The following LMNTD1 variants were observed in gnomAD, a reference collection of about 807,000 sequenced individuals.
LMNTD1 encodes the protein lamin tail domain containing 1.
A neutral mutation model predicts 50.9 loss-of-function variants in LMNTD1; 35 were observed. That is an observed-to-expected ratio of 0.69 (90% CI 0.53 to 0.91). LMNTD1 has a LOEUF of 0.91. Ranked by LOEUF, LMNTD1 falls within the 40% of genes least tolerant of loss-of-function variation. The pLI is 0.00. For missense variants in LMNTD1, 470 were observed against 475.5 expected, an observed-to-expected ratio of 0.99 and a Z score of 0.11; for synonymous variants, 153 against 161.9, an observed-to-expected ratio of 0.94 and a Z score of 0.42.
chr12:25,641,364 A>T (rs1002821098), intron 1 of LMNTD1, among the ~76,000 whole-genome samples: 2 of 152,182 alleles, frequency 1.3e-5, no homozygotes, highest in East Asian at 3.9e-4. Flanking sequence ...TTATTGGCTG[A>T]TACAGTAAGC....
rs537331399 is a variant in LMNTD1, at chr12:25,622,981, C to G, written c.58+25513G>C. On this transcript the variant is annotated intron_variant, in intron 1 of 7. Transcript: ENST00000445693. ...GATAAATCAGAAATAAGCTGGCGGA[C>G]GACGGGGAAGGAGAAAAGCTCTAAT... Among the ~76,000 whole-genome samples the G allele has an allele frequency of 2.7e-5, 4 of 148,056 alleles. No homozygotes were observed. The South Asian group carries it at 8.5e-4, about 32-fold the overall frequency.
intron 1 of LMNTD1, among the ~76,000 whole-genome samples, chr12:25,605,849 A>G (rs1946088278): frequency 6.6e-6 from 1 of 152,168 alleles, no homozygotes; most frequent in African/African-American, 2.4e-5. Flanking sequence ...ACTTTAAAGT[A>G]GTTTTTTCCA....
chr12:25,604,378 A>T (rs1349975428), intron 1 of LMNTD1, among the ~76,000 whole-genome samples: 2 of 152,044 alleles, frequency 1.3e-5, no homozygotes, highest in Non-Finnish European at 2.9e-5. Context: ...TTTAAGTTTT[A>T]GGGCACATGT....
At chr12:25,571,927 C>T (rs960212627) in intron 1 of LMNTD1, among the ~76,000 whole-genome samples, 1 of 152,174 alleles carries the variant, frequency 6.6e-6, no homozygotes, top group African/African-American at 2.4e-5. Flanking sequence ...CTGCCTCAGT[C>T]TCTCAAAGTG....
At chr12:25,596,117 A>G (rs1945840039) in intron 1 of LMNTD1, among the ~76,000 whole-genome samples, 1 of 152,128 alleles carries the variant, frequency 6.6e-6, no homozygotes, top group Non-Finnish European at 1.5e-5. Context: ...CCACAAAAAA[A>G]GATCCTGGAC....
chr12:25,641,291 C>T (rs1308535305), intron 1 of LMNTD1, among the ~76,000 whole-genome samples: 6 of 152,014 alleles, frequency 3.9e-5, no homozygotes, highest in Non-Finnish European at 2.9e-5. Flanking sequence ...GATTTCCTTT[C>T]CTTTATAAGG....
intron 1 of LMNTD1, among the ~76,000 whole-genome samples, chr12:25,641,851 T>C (rs932463459): frequency 6.6e-6 from 1 of 152,128 alleles, no homozygotes; most frequent in Admixed American, 6.5e-5. Context: ...ATCCTAATTT[T>C]TTTTCACTCT....
At chr12:25,635,931 A>G (rs1162882599) in intron 1 of LMNTD1, among the ~76,000 whole-genome samples, 3 of 152,244 alleles carry the variant, frequency 2.0e-5, no homozygotes, top group Non-Finnish European at 4.4e-5. Context: ...GGCTAGCCAC[A>G]TGTAGGAGAA....
At chr12:25,594,651 CAAAAAA>C (rs61299586) in intron 1 of LMNTD1, among the ~76,000 whole-genome samples, 33 of 69,892 alleles carry the variant, frequency 4.7e-4, no homozygotes, top group Admixed American at 1.2e-3. Context: ...AACAGAAATA[CAAAAAA>C]AAAAAAAAAA....
chr12:25,539,904 T>A (rs1031831282), intron 4 of LMNTD1, among the ~76,000 whole-genome samples: 1 of 151,526 alleles, frequency 6.6e-6, no homozygotes, highest in Non-Finnish European at 1.5e-5. Flanking sequence ...TCACCACCGA[T>A]CCCACAGGAA....
At chr12:25,578,006 T>C (rs897476017) in intron 1 of LMNTD1, among the ~76,000 whole-genome samples, 5 of 152,158 alleles carry the variant, frequency 3.3e-5, no homozygotes, top group Admixed American at 2.0e-4. Flanking sequence ...CTTCACTCCA[T>C]GGACAGGCTT....
intron 1 of LMNTD1, among the ~76,000 whole-genome samples, chr12:25,563,252 T>C (rs190344362): frequency 1.8e-4 from 27 of 152,392 alleles, no homozygotes; most frequent in African/African-American, 6.0e-4. Flanking sequence ...TTTTCTGCTC[T>C]GGTTTCTCCC....
At chr12:25,489,906 A>G (rs144333956) in intron 9 of LMNTD1, among the ~76,000 whole-genome samples, 86 of 152,368 alleles carry the variant, frequency 5.6e-4, no homozygotes, top group Non-Finnish European at 1.2e-3. Context: ...TTGAAGTAAT[A>G]TATCAGAAAG....
chr12:25,558,043 G>A (rs73078325), upstream of LMNTD1, among the ~76,000 whole-genome samples: 3,158 of 152,260 alleles, frequency 0.021, 42 homozygotes, highest in Middle Eastern at 0.068. Flanking sequence ...CGCCCCCTAG[G>A]AACCCTGTTT....
At chr12:25,548,374 T>C (rs891653077) in intron 3 of LMNTD1, among the ~76,000 whole-genome samples, 12 of 151,968 alleles carry the variant, frequency 7.9e-5, no homozygotes, top group African/African-American at 2.7e-4. Context: ...CTATTTGTGC[T>C]ACCAGTTTTG....
intron 8 of LMNTD1, among the ~76,000 whole-genome samples, chr12:25,509,372 T>C (rs891629234): frequency 6.6e-6 from 1 of 152,250 alleles, no homozygotes; most frequent in Non-Finnish European, 1.5e-5. Flanking sequence ...CCTCCCAAAG[T>C]GCTGGGATTA....
rs368015363 is a variant in LMNTD1 at position 25,526,223 on chromosome 12, A to G, written c.679-5T>C. 2.4e-5 allele frequency: 38 copies of G among 1,603,194 alleles called. No individual in the cohort carries two copies. The African/African-American group carries it at 4.6e-4, about 19-fold the overall frequency. On this transcript the variant is annotated splice_polypyrimidine_tract_variant and splice_region_variant and intron_variant, in intron 5 of 9. Transcript: ENST00000458174. The stretch of plus-strand genomic sequence containing the variant: ...TTCAGATGCTGCTGCCCACACCTGT[A>G]ATAAAATTGTTAATGACAAATGCCA...
intron 4 of LMNTD1, among the ~76,000 whole-genome samples, chr12:25,544,764 G>C (rs924833858): frequency 5.9e-5 from 9 of 151,504 alleles, no homozygotes; most frequent in Non-Finnish European, 1.2e-4. Context: ...ACATCTTACA[G>C]CTATAACAAG....
chr12:25,556,162 G>A (rs748797815), upstream of LMNTD1, among the ~76,000 whole-genome samples: 1 of 151,940 alleles, frequency 6.6e-6, no homozygotes, highest in East Asian at 1.9e-4. Flanking sequence ...TAGTAGAGAC[G>A]AGGTTTCGCC....
Sources: gnomAD v4.1 joint callset for allele counts (sites outside exome capture counted in the v4.1 genomes callset) on GRCh38, gnomAD v4.1.1 for gene constraint, MANE v1.5 for transcripts, NCBI Gene and HGNC (gene_info 2026-07-23, HGNC 2026-07-21) for gene names.